The following LTBP1 variants were observed in gnomAD, a reference collection of about 807,000 sequenced individuals.
The protein encoded by LTBP1 is latent-transforming growth factor beta-binding protein 1.
LTBP1 carries 129 observed loss-of-function variants against 207.6 expected under a neutral mutation model. The ratio of observed to expected loss-of-function variants is 0.62; its 90% CI spans 0.54 to 0.72. LTBP1 has a LOEUF of 0.72. Ranked by LOEUF, LTBP1 falls within the 30% of genes least tolerant of loss-of-function variation. The pLI, the probability that LTBP1 is intolerant of heterozygous loss-of-function variation, is 0.00. For missense variants in LTBP1, 2,281 were observed against 2,217.2 expected (o/e 1.03, Z -0.58); for synonymous variants, 963 against 833.7 (o/e 1.16, Z -2.67).
intron 15 of LTBP1, among the ~76,000 whole-genome samples, chr2:33,273,299 T>C (rs758549545): frequency 1.3e-5 from 2 of 152,212 alleles, no homozygotes; most frequent in Non-Finnish European, 2.9e-5. Context: ...CTCTATCATC[T>C]AAGATGAACT....
At chr2:33,222,276 C>T (rs2091160429) in intron 9 of LTBP1, 125 bp downstream of exon 9, 2 of 687,986 alleles carry the variant, frequency 2.9e-6, no homozygotes, top group Non-Finnish European at 5.4e-6. Flanking sequence ...ATGTTCACTC[C>T]TTTTGGCTAA....
intron 26 of LTBP1, among the ~76,000 whole-genome samples, chr2:33,349,034 G>A (rs1485835208): frequency 2.0e-5 from 3 of 152,170 alleles, no homozygotes; most frequent in Non-Finnish European, 4.4e-5. Context: ...ATAAACTTCA[G>A]CAGAAGCCTT....
At chr2:33,005,725 T>C (rs944168696) in intron 2 of LTBP1, among the ~76,000 whole-genome samples, 3 of 151,896 alleles carry the variant, frequency 2.0e-5, no homozygotes, top group Admixed American at 1.3e-4. Context: ...TAGCTGGGCT[T>C]ACAGGCGCCC....
chr2:33,298,320 A>G (rs767640332), intron 20 of LTBP1, among the ~76,000 whole-genome samples: 1 of 152,292 alleles, frequency 6.6e-6, no homozygotes, highest in South Asian at 2.1e-4. Flanking sequence ...ATTACTCCTG[A>G]CATTCTTAGC....
In LTBP1 at chr2:33,341,729, A is replaced by AAAATATATATAT. The variant is rs745445793; in HGVS notation, c.3731-1108_3731-1107insAATATATATATA. On this transcript the variant is annotated intron_variant, in intron 24 of 33. Coordinates refer to ENST00000404816, the MANE Select transcript of LTBP1 (RefSeq NM_206943.4). ...CCGTCTCACTCAAAAAAAAAAAAAA[A>AAAATATATATAT]ATATATATATATATATGTATATTTA... Among the ~76,000 whole-genome samples, 476 of 93,566 alleles carry AAAATATATATAT rather than the reference A, an allele frequency of 5.1e-3. 6 individuals are homozygous for AAAATATATATAT. Among genetic ancestry groups the AAAATATATATAT allele is most frequent in the African/African-American group, 0.014 (268 of 19,602 alleles). 61.4% of individuals were successfully genotyped at this position (93,566 alleles called of 152,430 possible). A position where few individuals can be genotyped will look rare whatever the true frequency, so the allele number is the denominator to read the frequency against.
intron 11 of LTBP1, among the ~76,000 whole-genome samples, chr2:33,254,813 G>T (rs1389670750): frequency 5.2e-5 from 2 of 38,460 alleles, no homozygotes; most frequent in African/African-American, 1.3e-4. Flanking sequence ...TGTTCTCATT[G>T]TTCAATTCCC....
intron 20 of LTBP1, among the ~76,000 whole-genome samples, chr2:33,298,422 G>A (rs889617253): frequency 1.2e-4 from 19 of 152,112 alleles, no homozygotes; most frequent in African/African-American, 4.3e-4. Context: ...TCTTCACATG[G>A]GAATGCTTAA....
At chr2:33,312,523 C>G (rs576248059) in intron 23 of LTBP1, among the ~76,000 whole-genome samples, 5 of 152,018 alleles carry the variant, frequency 3.3e-5, no homozygotes, top group Non-Finnish European at 7.4e-5. Context: ...TGTGGAATCG[C>G]GGACCCATGA....
intron 19 of LTBP1, among the ~76,000 whole-genome samples, chr2:33,288,933 CAAA>C (rs2093722195): frequency 6.6e-6 from 1 of 151,438 alleles, no homozygotes; most frequent in South Asian, 2.1e-4. Flanking sequence ...TTAATCTTGA[CAAA>C]GAACTGTAGA....
intron 19 of LTBP1, among the ~76,000 whole-genome samples, chr2:33,285,243 T>C (rs1367376612): frequency 6.6e-6 from 1 of 151,700 alleles, no homozygotes; most frequent in Non-Finnish European, 1.5e-5. Context: ...GGTTTCACCA[T>C]GTTGGCCAGG....
Position 33,001,259 on chromosome 2 carries a change from CAGTG to C in LTBP1, c.566-19646_566-19643del, listed in dbSNP as rs1158801365. Among the ~76,000 whole-genome samples the C allele has an allele frequency of 2.2e-5, 3 of 135,736 alleles. 1 individual carries two copies. Among genetic ancestry groups the C allele is most frequent in the South Asian group, 5.1e-4 (2 of 3,890 alleles). The allele number at this position is 135,736 out of a possible 152,430, so 89.0% of individuals were successfully genotyped here. Reference sequence around the variant, plus strand: ...TTGTACAAATCATAGTACCTCAAGACAGTGAGTCTCAAATATGGCTGTGGCTTTC... The same window carrying C: ...TTGTACAAATCATAGTACCTCAAGACAGTCTCAAATATGGCTGTGGCTTTC... On this transcript the variant is annotated intron_variant, in intron 2 of 33. Transcript: ENST00000404816.
In LTBP1 at chr2:33,259,596, G is replaced by A; in HGVS notation, c.2404G>A (p.Ala802Thr). ...TTCTTTTCTGGTTTTAGTGGCAACT[G>A]CACCCCCTGAAAAGGTAATTTATTC... is the stretch of plus-strand genomic sequence containing the variant. ...PGVAEPEVAT[A>T]PPEKEIPSLD... The change falls in exon 13 of 34, where the codon GCA becomes ACA. Residue 802 changes from alanine (A) to threonine (T), a missense_variant. By Grantham distance (58) the Ala-to-Thr change is moderately conservative. This residue lies in a region of LTBP1 where 1,671 missense variants were observed against 1,634.8 expected (regional missense o/e 1.02). Coordinates refer to ENST00000404816, the MANE Select transcript of LTBP1 (RefSeq NM_206943.4). 1 of 1,601,814 alleles carries A rather than the reference G, an allele frequency of 6.2e-7. No homozygotes were observed. Among genetic ancestry groups the A allele is most frequent in the Admixed American group, 1.7e-5 (1 of 58,988 alleles).
intron 26 of LTBP1, among the ~76,000 whole-genome samples, chr2:33,358,072 T>C (rs1010891268): frequency 6.6e-6 from 1 of 152,184 alleles, no homozygotes; most frequent in African/African-American, 2.4e-5. Flanking sequence ...TTGTAGCTTT[T>C]CCCAGAATGA....
At chr2:32,963,370 A>ATTG (rs1679439858) in intron 2 of LTBP1, among the ~76,000 whole-genome samples, 1 of 146,466 alleles carries the variant, frequency 6.8e-6, no homozygotes, top group Non-Finnish European at 1.5e-5. Flanking sequence ...ATGCCCAGCT[A>ATTG]TTTTTTTTTT....
At chr2:33,166,993 G>C (rs990927208) in intron 5 of LTBP1, among the ~76,000 whole-genome samples, 1 of 152,096 alleles carries the variant, frequency 6.6e-6, no homozygotes, top group East Asian at 1.9e-4. Context: ...GATGCCCATG[G>C]TGTGCCGAAT....
At chr2:33,353,193 G>C (rs2094806710) in intron 26 of LTBP1, among the ~76,000 whole-genome samples, 1 of 151,964 alleles carries the variant, frequency 6.6e-6, no homozygotes, top group South Asian at 2.1e-4. Context: ...TGACCAGCCT[G>C]GTCTTGAACT....
At chr2:32,989,187 C>T (rs1463578198) in intron 2 of LTBP1, among the ~76,000 whole-genome samples, 1 of 152,098 alleles carries the variant, frequency 6.6e-6, no homozygotes, top group Non-Finnish European at 1.5e-5. Context: ...AATTATGACT[C>T]AGACAGATAT....
chr2:33,115,756 A>T (rs182030208), intron 4 of LTBP1, among the ~76,000 whole-genome samples: 1 of 152,302 alleles, frequency 6.6e-6, no homozygotes, highest in Admixed American at 6.5e-5. Context: ...AGAAAATGGA[A>T]ATGACATAAC....
chr2:33,059,749 T>C (rs887159434), intron 3 of LTBP1, among the ~76,000 whole-genome samples: 98 of 152,180 alleles, frequency 6.4e-4, no homozygotes, highest in Non-Finnish European at 1.2e-3. Context: ...CATGAAATAG[T>C]TATAGTAGAC....
Sources: gnomAD v4.1 joint callset for allele counts (sites outside exome capture counted in the v4.1 genomes callset) on GRCh38, gnomAD v4.1.1 for gene constraint, gnomAD v4.1.1 regional missense constraint, MANE v1.5 for transcripts, NCBI Gene and HGNC (gene_info 2026-07-23, HGNC 2026-07-21) for gene names.